Variants in AP5S1 observed in about 807,000 individuals in gnomAD.
AP5S1 encodes AP-5 complex subunit sigma-1.
A neutral mutation model predicts 13.9 loss-of-function variants in AP5S1; 13 were observed. The ratio of observed to expected loss-of-function variants is 0.94; its 90% CI spans 0.61 to 1.49. The LOEUF (loss-of-function observed/expected upper bound fraction) is 1.49, where lower values mean the gene tolerates loss of function less well. Among genes scored for constraint, AP5S1 ranks in the 40% most tolerant of loss-of-function variants. The probability of loss-of-function intolerance (pLI) is 0.00; values close to 1 mark genes in which losing one functional copy is unlikely to be tolerated. For synonymous variants in AP5S1, 132 were observed against 121.8 expected, an observed-to-expected ratio of 1.08 and a Z score of -0.55; for missense variants, 292 against 272.3, an observed-to-expected ratio of 1.07 and a Z score of -0.51.
rs907445387 is a variant in AP5S1, at chr20:3,826,779, A to G, written c.*2482A>G. 6 of 152,074 alleles carry G rather than the reference A, an allele frequency of 3.9e-5. No homozygotes were observed. Among genetic ancestry groups the G allele is most frequent in the African/African-American group, 7.2e-5 (3 of 41,388 alleles). The allele number at this position is 152,074 out of a possible 1,614,324, so 9.4% of individuals were successfully genotyped here. A position where few individuals can be genotyped will look rare whatever the true frequency, so the allele number is the denominator to read the frequency against. ...TTGGGCTGGGTTTCCACCACAATTT[A>G]TGCTCACCATATATTTATCGAGCCT... On this transcript the variant is annotated 3_prime_UTR_variant, in exon 3 of 3. Coordinates refer to ENST00000615891, the MANE Select transcript of AP5S1 (RefSeq NM_018347.3).
At chr20:3,821,067 T>G (rs2089576302) in intron 1 of AP5S1, among the ~76,000 whole-genome samples, 1 of 152,238 alleles carries the variant, frequency 6.6e-6, no homozygotes, top group African/African-American at 2.4e-5. Flanking sequence ...GTAACTCCTG[T>G]ATGCACTTGG....
chr20:3,821,844 A>C, intron 1 of AP5S1: 1 of 895,236 alleles, frequency 1.1e-6, no homozygotes. Flanking sequence ...GTGGTCTGAG[A>C]TTTTTTTTGT....
rs1026634483 is a variant in AP5S1, at chr20:3,827,512, T to C, written c.*3215T>C. 7 of 152,092 alleles carry C rather than the reference T, an allele frequency of 4.6e-5. No individual in the cohort carries two copies. Among genetic ancestry groups the C allele is most frequent in the Admixed American group, 1.3e-4 (2 of 15,246 alleles). The allele number at this position is 152,092 out of a possible 1,614,324, so 9.4% of individuals were successfully genotyped here. A position where few individuals can be genotyped will look rare whatever the true frequency, so the allele number is the denominator to read the frequency against. On this transcript the variant is annotated 3_prime_UTR_variant, in exon 3 of 3. Coordinates refer to ENST00000615891, the MANE Select transcript of AP5S1 (RefSeq NM_018347.3). ...TCCTGACCTTGTGATCCGCCCGCCG[T>C]GGCCTCTCAAAGTACCGGGATTATA...
chr20:3,823,084 C>A (rs999348383), intron 2 of AP5S1, among the ~76,000 whole-genome samples: 26 of 152,176 alleles, frequency 1.7e-4, no homozygotes, highest in Non-Finnish European at 3.4e-4. Flanking sequence ...TTAAAACCAG[C>A]CTGTGCGTGG....
At chr20:3,821,615 C>G (rs149228637) in intron 1 of AP5S1, among the ~76,000 whole-genome samples, 2 of 152,282 alleles carry the variant, frequency 1.3e-5, no homozygotes, top group Non-Finnish European at 2.9e-5. Context: ...GATCCGCCCA[C>G]CTAGACCTCC....
Position 3,822,204 on chromosome 20 carries a change from C to G in AP5S1, c.87C>G (p.Phe29Leu), listed in dbSNP as rs769857862. 1 of 1,614,178 alleles carries G rather than the reference C, an allele frequency of 6.2e-7. No individual in the cohort carries two copies. The highest frequency in any genetic ancestry group is 8.5e-7 in the Non-Finnish European group (1 of 1,180,038). ...GCCGAGTGCTGTACTCCTGCGTCTT[C>G]GGTGCTGAGAAGTCACCTGATGACC... ...GLCRVLYSCVFGAEKSPDDPR... is the reference protein window; with the variant it reads ...GLCRVLYSCVLGAEKSPDDPR... The change falls in exon 2 of 3, where the codon TTC becomes TTG. Residue 29 changes from phenylalanine to leucine, a missense_variant. Physicochemically the swap from Phe to Leu is conservative, Grantham distance 22 (BLOSUM62 0). Coordinates refer to ENST00000615891, the MANE Select transcript of AP5S1 (RefSeq NM_018347.3).
At position 3,827,718 on chromosome 20, in the gene AP5S1, C is replaced by T. The variant is rs888072894; in HGVS notation, c.*3421C>T. ...TTTTTTCTAGCCCTGTGGTGCTGCG[C>T]ACTGTCCAGCATCCCCCCAGGGCTC... On this transcript the variant is annotated 3_prime_UTR_variant, in exon 3 of 3. Coordinates refer to ENST00000615891, the MANE Select transcript of AP5S1 (RefSeq NM_018347.3). 6.6e-6 allele frequency: 1 copy of T among 151,946 alleles called. No homozygotes were observed. Among genetic ancestry groups the T allele is most frequent in the African/African-American group, 2.4e-5 (1 of 41,326 alleles). 9.4% of individuals were successfully genotyped at this position (151,946 alleles called of 1,614,324 possible). A position where few individuals can be genotyped will look rare whatever the true frequency, so the allele number is the denominator to read the frequency against.
At position 3,826,139 on chromosome 20, in the gene AP5S1, T is replaced by A. The variant is rs935708359; in HGVS notation, c.*1842T>A. Reference sequence around the variant, plus strand: ...AGGATGGACCCAACTACACCCACTTTGGAGGCAGCACTGATGATTAGCCCT... The same window carrying A: ...AGGATGGACCCAACTACACCCACTTAGGAGGCAGCACTGATGATTAGCCCT... On this transcript the variant is annotated 3_prime_UTR_variant, in exon 3 of 3. Transcript: ENST00000615891. 2 of 152,336 alleles carry A rather than the reference T, an allele frequency of 1.3e-5. No individual in the cohort carries two copies. Among genetic ancestry groups the A allele is most frequent in the Non-Finnish European group, 2.9e-5 (2 of 68,032 alleles). The allele number at this position is 152,336 out of a possible 1,614,324, so 9.4% of individuals were successfully genotyped here.
chr20:3,825,357 C>T lies in AP5S1; in HGVS notation c.*1060C>T, dbSNP rs1032786872. 1.3e-5 allele frequency: 2 copies of T among 151,604 alleles called. No homozygotes were observed. The highest frequency in any genetic ancestry group is 2.9e-5 in the Non-Finnish European group (2 of 68,050). The allele number at this position is 151,604 out of a possible 1,614,324, so 9.4% of individuals were successfully genotyped here. Reference sequence around the variant, plus strand: ...CCTGCTCCTATGAGTGAGTGCCTCTCTGGATGGCCCCAAAGCTGCGTGTCT... The same window carrying T: ...CCTGCTCCTATGAGTGAGTGCCTCTTTGGATGGCCCCAAAGCTGCGTGTCT... On this transcript the variant is annotated 3_prime_UTR_variant, in exon 3 of 3. Transcript: ENST00000615891.
In AP5S1 at chr20:3,821,643, A is replaced by G. The variant is rs1177095276; in HGVS notation, c.-16-459A>G. ...AGACCTCCCAAGGTGCTGGGATTAC[A>G]GGCGTGAGTCACCACACCTGGCCCA... is the stretch of plus-strand genomic sequence containing the variant. On this transcript the variant is annotated intron_variant, in intron 1 of 2. Transcript: ENST00000615891. 2.6e-5 allele frequency among the ~76,000 whole-genome samples: 4 copies of G among 152,036 alleles called. No homozygotes were observed. In the East Asian group the frequency reaches 7.7e-4, roughly 29 times the overall value.
In AP5S1 at chr20:3,825,085, C is replaced by T. The variant is rs1297698864; in HGVS notation, c.*788C>T. The T allele has an allele frequency of 2.0e-5, 3 of 152,204 alleles. No individual in the cohort carries two copies. Among genetic ancestry groups the T allele is most frequent in the South Asian group, 4.1e-4 (2 of 4,828 alleles). 9.4% of individuals were successfully genotyped at this position (152,204 alleles called of 1,614,324 possible). On this transcript the variant is annotated 3_prime_UTR_variant, in exon 3 of 3. Transcript: ENST00000615891. The stretch of plus-strand genomic sequence containing the variant: ...TATCAACAAGGTCCTGCTCAGTGTC[C>T]AGCCCCCGCTGAGTTCAGAAATGCA...
At chr20:3,823,476 C>T (rs1424337130) in intron 2 of AP5S1, 4 of 892,766 alleles carry the variant, frequency 4.5e-6, no homozygotes, top group Non-Finnish European at 5.4e-6. Context: ...TGGTCTCGAT[C>T]TCCTGACCTC....
Position 3,824,361 on chromosome 20 carries a change from G to A in AP5S1, c.*64G>A. On this transcript the variant is annotated 3_prime_UTR_variant, in exon 3 of 3. Coordinates refer to ENST00000615891, the MANE Select transcript of AP5S1 (RefSeq NM_018347.3). ...GTAGACACACAGCCAGATGAAGCTT[G>A]GCATCTCCCTCCTACCCAGCAGCTC... 6.7e-7 allele frequency: 1 copy of A among 1,492,248 alleles called. No homozygotes were observed. Among genetic ancestry groups the A allele is most frequent in the East Asian group, 2.3e-5 (1 of 43,684 alleles). The allele number at this position is 1,492,248 out of a possible 1,614,324, so 92.4% of individuals were successfully genotyped here.
Position 3,824,293 on chromosome 20 carries a change from G to T in AP5S1, c.599G>T (p.Arg200Leu), listed in dbSNP as rs202190509. The T allele has an allele frequency of 9.9e-6, 16 of 1,609,530 alleles. No homozygotes were observed. The African/African-American group carries it at 2.0e-4, about 20-fold the overall frequency. Residue 200 changes from arginine to leucine, a missense_variant, in exon 3 of 3, where the codon CGC (arginine) becomes CTC (leucine). Arg to Leu is a moderately radical substitution (Grantham distance 102). Transcript: ENST00000615891. ...LEKEFSAAWP[R>L] ...AAGGAATTCAGTGCCGCTTGGCCCCGCTGATTCCTCGTTGGGATGGTGCTT... is the reference window on the plus strand; with the variant it reads ...AAGGAATTCAGTGCCGCTTGGCCCCTCTGATTCCTCGTTGGGATGGTGCTT...
At chr20:3,821,861 G>A in intron 1 of AP5S1, 1 of 944,996 alleles carries the variant, frequency 1.1e-6, no homozygotes, top group South Asian at 4.9e-5. Context: ...TTGTTTGTTT[G>A]TTTGTTTTTC....
At chr20:3,822,363 T>C (rs1439604146) in intron 2 of AP5S1, 70 bp downstream of exon 2, 2 of 1,490,376 alleles carry the variant, frequency 1.3e-6, no homozygotes, top group East Asian at 4.6e-5. Context: ...TTTCGGGGAG[T>C]GGGGACGCAG....
Position 3,824,377 on chromosome 20 carries a change from C to A in AP5S1, c.*80C>A. ...ATGAAGCTTGGCATCTCCCTCCTAC[C>A]CAGCAGCTCTGATGTGCTGCTATAC... On this transcript the variant is annotated 3_prime_UTR_variant, in exon 3 of 3. Coordinates refer to ENST00000615891, the MANE Select transcript of AP5S1 (RefSeq NM_018347.3). 7.1e-7 allele frequency: 1 copy of A among 1,401,480 alleles called. No individual in the cohort carries two copies. The highest frequency in any genetic ancestry group is 9.8e-7 in the Non-Finnish European group (1 of 1,019,448). 86.8% of individuals were successfully genotyped at this position (1,401,480 alleles called of 1,614,324 possible). A position where few individuals can be genotyped will look rare whatever the true frequency, so the allele number is the denominator to read the frequency against.
At position 3,823,856 on chromosome 20, in the gene AP5S1, G is replaced by A. The variant is rs201220207; in HGVS notation, c.177-15G>A. The A allele has an allele frequency of 2.4e-4, 378 of 1,589,942 alleles. 4 individuals carry two copies. In the African/African-American group the frequency reaches 4.0e-3, roughly 17 times the overall value. On this transcript the variant is annotated splice_polypyrimidine_tract_variant and intron_variant, in intron 2 of 2. Transcript: ENST00000615891. Reference sequence around the variant, plus strand: ...GTGTGTGAGCCCACCAGCCTGACCTGCCCACTCTCCCCAGGCAGGTAGAGT... The same window carrying A: ...GTGTGTGAGCCCACCAGCCTGACCTACCCACTCTCCCCAGGCAGGTAGAGT...
intron 2 of AP5S1, 124 bp downstream of exon 2, chr20:3,822,417 C>T (rs1822817863): frequency 1.1e-6 from 1 of 875,476 alleles, no homozygotes; most frequent in African/African-American, 1.7e-5. Flanking sequence ...TTTAGAGTAG[C>T]ATTTCCCAGA....
Sources: gnomAD v4.1 joint callset for allele counts (sites outside exome capture counted in the v4.1 genomes callset) on GRCh38, gnomAD v4.1.1 for gene constraint, MANE v1.5 for transcripts, NCBI Gene and HGNC (gene_info 2026-07-23, HGNC 2026-07-21) for gene names.